The following SEMA3G variants were observed in gnomAD, a reference collection of about 807,000 sequenced individuals.
SEMA3G encodes the protein semaphorin-3G.
In SEMA3G, 70 loss-of-function variants were observed where a neutral mutation model predicts 86.2. That is an observed-to-expected ratio of 0.81 (90% CI 0.67 to 0.99). The LOEUF is 0.99. Among genes scored for constraint, SEMA3G ranks in the 50% least tolerant of loss-of-function variants. The pLI, the probability that SEMA3G is intolerant of heterozygous loss-of-function variation, is 0.00. For synonymous variants in SEMA3G, 416 were observed against 441.4 expected (o/e 0.94, Z 0.72); for missense variants, 1,002 against 1,072.4 (o/e 0.93, Z 0.92).
rs1037340873 is a variant in SEMA3G at position 52,433,809 on chromosome 3, C to G, written c.*1794G>C. 4.6e-5 allele frequency: 7 copies of G among 152,486 alleles called. No homozygotes were observed. Among genetic ancestry groups the G allele is most frequent in the African/African-American group, 1.7e-4 (7 of 41,414 alleles). The allele number at this position is 152,486 out of a possible 1,614,324, so 9.4% of individuals were successfully genotyped here. On this transcript the variant is annotated 3_prime_UTR_variant, in exon 16 of 16. Coordinates refer to ENST00000231721, the MANE Select transcript of SEMA3G (RefSeq NM_020163.3). ...TGCACTCTCTCCTCCCCTCTTTAAT[C>G]CCCTCTGTCTCCCCTCCCTTCTGCT...
chr3:52,443,123 CT>C, intron 1 of SEMA3G: 1 of 1,298,750 alleles, frequency 7.7e-7, no homozygotes, highest in Non-Finnish European at 1.1e-6. Context: ...CCAGCCTACC[CT>C]GGGGCCTACC....
chr3:52,439,835 C>T (rs866870083), intron 11 of SEMA3G, 32 bp downstream of exon 11: 1 of 1,611,514 alleles, frequency 6.2e-7, no homozygotes, highest in Non-Finnish European at 8.5e-7. Flanking sequence ...ACACCCCTCT[C>T]CAGCCTGGCC....
In SEMA3G at chr3:52,441,609, G is replaced by A. The variant is rs768337515; in HGVS notation, c.632C>T (p.Ala211Val). Residue 211 changes from alanine to valine, a missense_variant, in exon 6 of 16, where the codon GCT becomes GTT. Physicochemically the swap from Ala to Val is moderately conservative, Grantham distance 64. Transcript: ENST00000231721. ...ACTCTGGTCAGAGTCGGAACGCAGA[G>A]CTGGCCGAGGACCTCCACTTCGGAA... ...MIFRSGGPRP[A>V]LRSDSDQSLL... 1 of 1,613,622 alleles carries A rather than the reference G, an allele frequency of 6.2e-7. No homozygotes were observed. The highest frequency in any genetic ancestry group is 8.5e-7 in the Non-Finnish European group (1 of 1,179,956).
In SEMA3G at chr3:52,439,727, A is replaced by G; in HGVS notation, c.1420T>C (p.Ser474Pro). Residue 474 changes from serine to proline, a missense_variant, in exon 12 of 16, where the codon TCA (serine) becomes CCA (proline). By Grantham distance (74) the Ser-to-Pro change is moderately conservative. Coordinates refer to ENST00000231721, the MANE Select transcript of SEMA3G (RefSeq NM_020163.3). ...AGAACCACTTCCTCAGGTTCAGCTG[A>G]GCCCCCTGCCTGGAGAGCGATGACT... is the stretch of plus-strand genomic sequence containing the variant. ...LKVIALQAGG[S>P]AEPEEVVLEE... The G allele has an allele frequency of 6.2e-7, 1 of 1,613,960 alleles. No individual in the cohort carries two copies. Among genetic ancestry groups the G allele is most frequent in the Non-Finnish European group, 8.5e-7 (1 of 1,180,004 alleles).
In SEMA3G at chr3:52,435,534, G is replaced by A; in HGVS notation, c.*69C>T. 1 of 1,453,436 alleles carries A rather than the reference G, an allele frequency of 6.9e-7. No homozygotes were observed. 90.0% of individuals were successfully genotyped at this position (1,453,436 alleles called of 1,614,324 possible). ...CCTGACCCCTCTGCCCTAGCTGGGT[G>A]GGTGGGAGATGCTGGGGGCTGCTAG... On this transcript the variant is annotated 3_prime_UTR_variant, in exon 16 of 16. Coordinates refer to ENST00000231721, the MANE Select transcript of SEMA3G (RefSeq NM_020163.3).
rs1056835642 is a variant in SEMA3G, at chr3:52,438,176, C to T, written c.1533G>A (p.Arg511=). The T allele has an allele frequency of 3.7e-6, 6 of 1,613,308 alleles. No homozygotes were observed. In the Admixed American group the frequency reaches 1.0e-4, roughly 27 times the overall value. ...GCAGCCGCAGCTGGGCCACACCCAG[C>T]CGAGAGCCCACGTATAGCATTTGCT... is the stretch of plus-strand genomic sequence containing the variant. ...VKRQMLYVGS[R]LGVAQLRLHQ... Residue 511 remains arginine (R), a synonymous_variant, in exon 14 of 16, where the codon CGG becomes CGA. Transcript: ENST00000231721.
chr3:52,438,470 C>G, intron 13 of SEMA3G: 2 of 985,470 alleles, frequency 2.0e-6, no homozygotes, highest in Non-Finnish European at 2.4e-6. Context: ...GACCTTTGCC[C>G]TCTATCCCAG....
intron 6 of SEMA3G, 63 bp from the exon 7 acceptor site, chr3:52,441,472 C>A: frequency 6.3e-7 from 1 of 1,597,834 alleles, no homozygotes; most frequent in Non-Finnish European, 8.6e-7. Context: ...GGAGTAGAAC[C>A]CAGTGGGGAG....
Position 52,442,680 on chromosome 3 carries a change from C to T in SEMA3G, c.277-59G>A, listed in dbSNP as rs1349805762. ...CCTGATCTCACAGGCTCAGTTTCCC[C>T]ATCTGGCCTCCCATCTGGAGGTGCC... On this transcript the variant is annotated intron_variant, in intron 2 of 15. Transcript: ENST00000231721. The surrounding 1 kb of genome is among the most constrained non-coding windows in gnomAD (Gnocchi z 6.1). The T allele has an allele frequency of 8.1e-6, 13 of 1,613,708 alleles. No individual in the cohort carries two copies. The highest frequency in any genetic ancestry group is 1.1e-5 in the Non-Finnish European group (13 of 1,179,800).
In SEMA3G at chr3:52,435,492, A is replaced by G; in HGVS notation, c.*111T>C. ...TGTGGGGGCAGAGACACCTGTCTCTAAGAGGCAAACAGACATCCTGACCCC... is the reference window on the plus strand; with the variant it reads ...TGTGGGGGCAGAGACACCTGTCTCTGAGAGGCAAACAGACATCCTGACCCC... On this transcript the variant is annotated 3_prime_UTR_variant, in exon 16 of 16. Coordinates refer to ENST00000231721, the MANE Select transcript of SEMA3G (RefSeq NM_020163.3). 9.5e-7 allele frequency: 1 copy of G among 1,047,178 alleles called. No homozygotes were observed. The highest frequency in any genetic ancestry group is 1.4e-6 in the Non-Finnish European group (1 of 716,974). The allele number at this position is 1,047,178 out of a possible 1,614,324, so 64.9% of individuals were successfully genotyped here.
intron 6 of SEMA3G, 41 bp from the exon 7 acceptor site, chr3:52,441,450 C>G (rs748854445): frequency 2.5e-5 from 40 of 1,608,032 alleles, no homozygotes; most frequent in Admixed American, 1.7e-5. Context: ...AGGGGCCCCA[C>G]AGGGGAGGAT....
chr3:52,438,727 G>A, intron 13 of SEMA3G, 193 bp downstream of exon 13: 1 of 985,472 alleles, frequency 1.0e-6, no homozygotes, highest in Non-Finnish European at 1.2e-6. Context: ...CCCCTTATCT[G>A]GACATGGCCC....
chr3:52,433,737 G>A lies in SEMA3G; in HGVS notation c.*1866C>T, dbSNP rs1652005173. On this transcript the variant is annotated 3_prime_UTR_variant, in exon 16 of 16. Transcript: ENST00000231721. The stretch of plus-strand genomic sequence containing the variant: ...TTTGTGTCTTTCTGGCCTCCCTAGG[G>A]TAGAGGGCAGAGCTGGCTGCAGCTC... The A allele has an allele frequency of 6.6e-6, 1 of 152,656 alleles. No homozygotes were observed. The highest frequency in any genetic ancestry group is 1.5e-5 in the Non-Finnish European group (1 of 68,070). 9.5% of individuals were successfully genotyped at this position (152,656 alleles called of 1,614,324 possible).
At chr3:52,436,747 TG>T (rs898828567) in intron 15 of SEMA3G, among the ~76,000 whole-genome samples, 1 of 152,212 alleles carries the variant, frequency 6.6e-6, no homozygotes, top group African/African-American at 2.4e-5. Flanking sequence ...ATCTGTGTGT[TG>T]GGGGTGGATT....
At position 52,439,979 on chromosome 3, in the gene SEMA3G, T is replaced by G. The variant is rs375612632; in HGVS notation, c.1263A>C (p.Arg421=). The change falls in exon 11 of 16, where the codon CGA becomes CGC. Residue 421 remains arginine, a synonymous_variant. Transcript: ENST00000231721. ...TCTTGACAAGGACAGGGCGGCCATG[T>G]CGAGGCCGCACAGGCCAGAACATGA... ...HPLMFWPVRP[R]HGRPVLVKTH... 6.2e-6 allele frequency: 10 copies of G among 1,613,600 alleles called. No individual in the cohort carries two copies. In the African/African-American group the frequency reaches 1.3e-4, roughly 22 times the overall value.
In SEMA3G at chr3:52,438,057, C is replaced by T. The variant is rs568859731; in HGVS notation, c.1652G>A (p.Arg551His). The T allele has an allele frequency of 3.3e-5, 53 of 1,613,142 alleles. No individual in the cohort carries two copies. The Admixed American group carries it at 7.7e-4, about 23-fold the overall frequency. Residue 551 changes from arginine (R) to histidine (H), a missense_variant, in exon 14 of 16, where the codon CGC becomes CAC. Transcript: ENST00000231721. ...GAACCGGCGCTTGCCAAGGCTGGGG[C>T]GGTAGTGGGTACAGGAGGCACCATC... ...AWDGASCTHY[R>H]PSLGKRRFRR...
At position 52,435,892 on chromosome 3, in the gene SEMA3G, G is replaced by C. The variant is rs370282481; in HGVS notation, c.2060C>G (p.Pro687Arg). 6.2e-7 allele frequency: 1 copy of C among 1,614,082 alleles called. No individual in the cohort carries two copies. The highest frequency in any genetic ancestry group is 8.5e-7 in the Non-Finnish European group (1 of 1,180,034). The part of the protein sequence containing the change: ...SQLDNLFPPE[P>R]KPEEPPARGG... Reference sequence around the variant, plus strand: ...CCGGGCTGGGGGCTCCTCTGGCTTTGGCTCCGGAGGGAACAGGTTGTCCAG... The same window carrying C: ...CCGGGCTGGGGGCTCCTCTGGCTTTCGCTCCGGAGGGAACAGGTTGTCCAG... The change falls in exon 16 of 16, where the codon CCA (proline) becomes CGA (arginine). Residue 687 changes from proline (P) to arginine (R), a missense_variant. Coordinates refer to ENST00000231721, the MANE Select transcript of SEMA3G (RefSeq NM_020163.3).
rs1187465616 is a variant in SEMA3G, at chr3:52,433,297, CCA to C, written c.*2304_*2305del. On this transcript the variant is annotated 3_prime_UTR_variant, in exon 16 of 16. Transcript: ENST00000231721. Reference sequence around the variant, plus strand: ...TTCAGCTCATGTGCGCAGCATCAGTCCATTTAGTACAATACACAGATACACAG... The same window carrying C: ...TTCAGCTCATGTGCGCAGCATCAGTCTTTAGTACAATACACAGATACACAG... 6.6e-6 allele frequency: 1 copy of C among 152,286 alleles called. No homozygotes were observed. The allele number at this position is 152,286 out of a possible 1,614,324, so 9.4% of individuals were successfully genotyped here. A position where few individuals can be genotyped will look rare whatever the true frequency, so the allele number is the denominator to read the frequency against.
At chr3:52,444,022 C>T (rs1015322648) in intron 1 of SEMA3G, among the ~76,000 whole-genome samples, 1 of 152,300 alleles carries the variant, frequency 6.6e-6, no homozygotes. Flanking sequence ...AGGTGAAACT[C>T]CCCCTGGGCT....
Sources: allele counts gnomAD v4.1 joint callset (sites outside exome capture counted in the v4.1 genomes callset), GRCh38; gene constraint gnomAD v4.1.1; non-coding constraint Gnocchi (gnomAD v3.1); transcripts MANE v1.5; gene names NCBI Gene and HGNC (gene_info 2026-07-23, HGNC 2026-07-21).